SDK2: variants seen among roughly 807,000 people sequenced by gnomAD.
SDK2 encodes the protein protein sidekick-2.
SDK2 carries 105 observed loss-of-function variants against 253.9 expected under a neutral mutation model. That is an observed-to-expected ratio of 0.41 (90% CI 0.35 to 0.49). SDK2 has a LOEUF of 0.49. Among genes scored for constraint, SDK2 ranks in the 20% least tolerant of loss-of-function variants. The pLI, the probability that SDK2 is intolerant of heterozygous loss-of-function variation, is 0.06. For missense variants in SDK2, 2,608 were observed against 3,003.0 expected (o/e 0.87, Z 3.07); for synonymous variants, 1,249 against 1,234.9 (o/e 1.01, Z -0.24).
intron 4 of SDK2, among the ~76,000 whole-genome samples, chr17:73,452,573 GA>G (rs2063497000): frequency 6.6e-6 from 1 of 152,110 alleles, no homozygotes; most frequent in Non-Finnish European, 1.5e-5. Context: ...CTTGGAATGA[GA>G]AAAGGAGGTG....
intron 1 of SDK2, among the ~76,000 whole-genome samples, chr17:73,588,236 A>T (rs947310595): frequency 1.3e-5 from 2 of 150,122 alleles, no homozygotes; most frequent in African/African-American, 4.9e-5. Flanking sequence ...AAAAATACAA[A>T]CTTAGCTGGG....
intron 18 of SDK2, among the ~76,000 whole-genome samples, chr17:73,414,383 G>A (rs887629839): frequency 6.6e-6 from 1 of 152,052 alleles, no homozygotes; most frequent in African/African-American, 2.4e-5. Context: ...AAATAACCTG[G>A]GTTTTGTGTA....
intron 2 of SDK2, among the ~76,000 whole-genome samples, chr17:73,506,544 C>A (rs1017099924): frequency 1.3e-5 from 2 of 152,210 alleles, no homozygotes; most frequent in Non-Finnish European, 2.9e-5. Context: ...AGCAATGATA[C>A]CCCCTCCTCT....
intron 41 of SDK2, among the ~76,000 whole-genome samples, chr17:73,351,735 C>T (rs2062540179): frequency 6.6e-6 from 1 of 152,112 alleles, no homozygotes; most frequent in Non-Finnish European, 1.5e-5. Context: ...CCAGGACTAC[C>T]CATGCTGTGT....
At position 73,383,606 on chromosome 17, in the gene SDK2, G is replaced by A. The variant is rs536340543; in HGVS notation, c.4705+270C>T. 4.6e-5 allele frequency among the ~76,000 whole-genome samples: 7 copies of A among 152,306 alleles called. No individual in the cohort carries two copies. The highest frequency in any genetic ancestry group is 5.9e-5 in the Non-Finnish European group (4 of 68,030). On this transcript the variant is annotated intron_variant, in intron 33 of 44. Transcript: ENST00000392650. This position sits in a 1 kb window ranked among gnomAD's most constrained non-coding sequence, Gnocchi z 4.3. ...GAATGTTTCCTTCCCAGCTCGCCTGGCTCCTCCTCCAGCCTGCAACTCCAA... is the reference window on the plus strand; with the variant it reads ...GAATGTTTCCTTCCCAGCTCGCCTGACTCCTCCTCCAGCCTGCAACTCCAA...
chr17:73,442,862 T>C (rs1039124594), intron 5 of SDK2, among the ~76,000 whole-genome samples: 1 of 148,202 alleles, frequency 6.7e-6, no homozygotes, highest in African/African-American at 2.5e-5. Context: ...CCTCTTCTAA[T>C]AGAGGTGGTA....
At chr17:73,397,511 CT>C (rs2062981461) in intron 24 of SDK2, among the ~76,000 whole-genome samples, 1 of 152,342 alleles carries the variant, frequency 6.6e-6, no homozygotes, top group Non-Finnish European at 1.5e-5. Context: ...GATCACTCTG[CT>C]GTCACAGGCT....
chr17:73,515,133 T>C (rs928121231), intron 1 of SDK2, among the ~76,000 whole-genome samples: 1 of 152,212 alleles, frequency 6.6e-6, no homozygotes, highest in Non-Finnish European at 1.5e-5. Context: ...ATTTTCCCCA[T>C]TTTAATAGGA....
rs182929504 is a variant in SDK2, at chr17:73,614,435, C to G, written c.64+29590G>C. ...GATTTACCTGCTTATACTCGTTTCC[C>G]CCTAGATGACTGTGAGTCAGGCTAG... On this transcript the variant is annotated intron_variant, in intron 1 of 44. Coordinates refer to ENST00000392650, the MANE Select transcript of SDK2 (RefSeq NM_001144952.2). Among the ~76,000 whole-genome samples the G allele has an allele frequency of 1.0e-3, 156 of 151,702 alleles. 1 individual carries two copies. The highest frequency in any genetic ancestry group is 3.7e-3 in the African/African-American group (152 of 41,258).
At position 73,644,166 on chromosome 17, in the gene SDK2, C is replaced by T. The variant is rs542567738; in HGVS notation, c.-78G>A. 16 of 1,244,318 alleles carry T rather than the reference C, an allele frequency of 1.3e-5. No individual in the cohort carries two copies. In the South Asian group the frequency reaches 1.4e-4, roughly 11 times the overall value. The allele number at this position is 1,244,318 out of a possible 1,614,324, so 77.1% of individuals were successfully genotyped here. A position where few individuals can be genotyped will look rare whatever the true frequency, so the allele number is the denominator to read the frequency against. ...TTATAATCCTGGTGGGGTCCGATAC[C>T]CCGTGGCTTAGTCCCAGGAAACAGT... is the stretch of plus-strand genomic sequence containing the variant. On this transcript the variant is annotated 5_prime_UTR_variant, in exon 1 of 45. Coordinates refer to ENST00000392650, the MANE Select transcript of SDK2 (RefSeq NM_001144952.2). The surrounding 1 kb of genome is among the most constrained non-coding windows in gnomAD (Gnocchi z 6.3).
chr17:73,380,831 C>A (rs184468826), intron 34 of SDK2, 63 bp downstream of exon 34: 2 of 1,417,414 alleles, frequency 1.4e-6, no homozygotes, highest in Non-Finnish European at 2.0e-6. Flanking sequence ...CTCAAGGAGG[C>A]CCCACTCCCA....
intron 1 of SDK2, among the ~76,000 whole-genome samples, chr17:73,610,189 G>A (rs563430234): frequency 4.6e-5 from 7 of 152,232 alleles, no homozygotes; most frequent in Non-Finnish European, 8.8e-5. Flanking sequence ...GAAGCTCCCT[G>A]AAAGTATACC....
At chr17:73,569,203 T>TC (rs2045349226) in intron 1 of SDK2, among the ~76,000 whole-genome samples, 1 of 149,994 alleles carries the variant, frequency 6.7e-6, no homozygotes, top group Non-Finnish European at 1.5e-5. Context: ...TCTTTTCTTT[T>TC]TTTTTTTTTT....
At chr17:73,438,906 A>G (rs948748200) in intron 6 of SDK2, among the ~76,000 whole-genome samples, 8 of 152,266 alleles carry the variant, frequency 5.3e-5, no homozygotes, top group Admixed American at 2.0e-4. Context: ...CAGCGGCTTG[A>G]GTGACAGTAG....
chr17:73,342,829 G>A (rs148011648), intron 44 of SDK2, among the ~76,000 whole-genome samples: 1,762 of 150,378 alleles, frequency 0.012, 25 homozygotes, highest in South Asian at 0.066. Flanking sequence ...GAGTTCCATA[G>A]TTCACAGGGT....
chr17:73,400,197 C>A (rs1379952585), intron 21 of SDK2, among the ~76,000 whole-genome samples: 1 of 152,192 alleles, frequency 6.6e-6, no homozygotes, highest in Admixed American at 6.5e-5. Flanking sequence ...GATGGGGAAA[C>A]TGAGGCACAG....
chr17:73,617,054 T>A (rs943693450), intron 1 of SDK2, among the ~76,000 whole-genome samples: 6 of 152,096 alleles, frequency 3.9e-5, no homozygotes, highest in African/African-American at 1.2e-4. Context: ...GCTGTGAGCA[T>A]GCTTGTGGGC....
At chr17:73,632,270 G>A (rs920751431) in intron 1 of SDK2, among the ~76,000 whole-genome samples, 1 of 152,188 alleles carries the variant, frequency 6.6e-6, no homozygotes. Context: ...GGCAGAGGTG[G>A]ACCCACCCTC....
intron 36 of SDK2, among the ~76,000 whole-genome samples, chr17:73,377,075 A>ACTCCCCACCTGTGGGATG (rs2062788067): frequency 1.3e-5 from 2 of 149,106 alleles, no homozygotes; most frequent in East Asian, 2.4e-4. Context: ...CTCCCCACTT[A>ACTCCCCACCTGTGGGATG]AGCCATGGCA....
Sources: gnomAD v4.1 joint callset for allele counts (sites outside exome capture counted in the v4.1 genomes callset) on GRCh38, gnomAD v4.1.1 for gene constraint, Gnocchi (gnomAD v3.1) non-coding constraint, MANE v1.5 for transcripts, NCBI Gene and HGNC (gene_info 2026-07-23, HGNC 2026-07-21) for gene names.